FBXW11: variants seen among roughly 807,000 people sequenced by gnomAD.
FBXW11 encodes the protein F-box/WD repeat-containing protein 11.
FBXW11 carries 19 observed loss-of-function variants against 77.6 expected under a neutral mutation model. The ratio of observed to expected loss-of-function variants is 0.24; its 90% confidence interval spans 0.17 to 0.36. The LOEUF (loss-of-function observed/expected upper bound fraction) is 0.36. Ranked by LOEUF, FBXW11 falls within the 10% of genes least tolerant of loss-of-function variation. The pLI, the probability that FBXW11 is intolerant of heterozygous loss-of-function variation, is 1.00. For missense variants in FBXW11, 334 were observed against 704.2 expected, an observed-to-expected ratio of 0.47 and a Z score of 5.95; for synonymous variants, 235 against 249.4, an observed-to-expected ratio of 0.94 and a Z score of 0.54.
At chr5:171,907,570 C>G (rs1760610576) in intron 4 of FBXW11, among the ~76,000 whole-genome samples, 2 of 152,144 alleles carry the variant, frequency 1.3e-5, no homozygotes, top group African/African-American at 4.8e-5. Context: ...TCGTCCTCAG[C>G]TATTAGATTC....
chr5:171,966,979 G>A (rs1245334213), intron 1 of FBXW11, among the ~76,000 whole-genome samples: 2 of 152,130 alleles, frequency 1.3e-5, no homozygotes, highest in African/African-American at 2.4e-5. Context: ...GGTCAAGAAT[G>A]GCAAAACTGC....
At chr5:172,005,377 C>T in intron 1 of FBXW11, among the ~76,000 whole-genome samples, 1 of 152,222 alleles carries the variant, frequency 6.6e-6, no homozygotes, top group Non-Finnish European at 1.5e-5. Context: ...CTTCCTCTTC[C>T]CAGCTCTCCA....
At chr5:171,989,001 A>G (rs1344841282) in intron 1 of FBXW11, among the ~76,000 whole-genome samples, 2 of 151,908 alleles carry the variant, frequency 1.3e-5, no homozygotes, top group Admixed American at 1.3e-4. Context: ...ACATGGCAAA[A>G]CCCTGTCTCT....
intron 7 of FBXW11, among the ~76,000 whole-genome samples, chr5:171,889,527 C>CAA (rs34406226): frequency 1.5e-3 from 165 of 109,216 alleles, no homozygotes; most frequent in African/African-American, 5.2e-3. Flanking sequence ...GACTCCATCT[C>CAA]AAAAAAAAAA....
intron 13 of FBXW11, among the ~76,000 whole-genome samples, chr5:171,864,849 G>A (rs1757285854): frequency 6.6e-6 from 1 of 151,586 alleles, no homozygotes; most frequent in Non-Finnish European, 1.5e-5. Context: ...TACATACAAT[G>A]CAGGCTGACA....
chr5:171,930,365 C>A (rs1762104937), intron 2 of FBXW11, among the ~76,000 whole-genome samples: 1 of 152,198 alleles, frequency 6.6e-6, no homozygotes, highest in Non-Finnish European at 1.5e-5. Context: ...AAATCAGGAA[C>A]AAGGTAAGAA....
chr5:171,987,449 T>TG lies in FBXW11; in HGVS notation c.45+19008_45+19009insC, dbSNP rs1352793058. Among the ~76,000 whole-genome samples, 3 of 152,140 alleles carry TG rather than the reference T, an allele frequency of 2.0e-5. No homozygotes were observed. In the East Asian group the frequency reaches 5.8e-4, roughly 29 times the overall value. ...CAAAGGGTAAGTTTTTTTGGGTTTT[T>TG]TTTGTTTGTTTGTTTTTTTGAGGCG... On this transcript the variant is annotated intron_variant, in intron 1 of 13. Transcript: ENST00000517395.
At chr5:171,975,704 A>G (rs1764791235) in intron 1 of FBXW11, among the ~76,000 whole-genome samples, 1 of 152,226 alleles carries the variant, frequency 6.6e-6, no homozygotes, top group Non-Finnish European at 1.5e-5. Context: ...TAAAAGAAAC[A>G]GGGGGTGTAA....
At chr5:171,945,889 C>A (rs1259571976) in intron 2 of FBXW11, among the ~76,000 whole-genome samples, 3 of 152,186 alleles carry the variant, frequency 2.0e-5, no homozygotes, top group Non-Finnish European at 4.4e-5. Context: ...CAAAGTGTGG[C>A]CTCCTTCCAA....
In FBXW11 at chr5:171,876,219, C is replaced by A. The variant is rs755115797; in HGVS notation, c.1221+66G>T. ...CCAGGTACCAGGTTGGTATAAGCCA[C>A]CTCTGCTTTGTCTCTGTTCTAAAAG... is the stretch of plus-strand genomic sequence containing the variant. On this transcript the variant is annotated intron_variant, in intron 9 of 13. Coordinates refer to ENST00000517395, the MANE Select transcript of FBXW11 (RefSeq NM_001378974.1). The surrounding 1 kb of genome is among the most constrained non-coding windows in gnomAD (Gnocchi z 4.2). 4.4e-6 allele frequency: 7 copies of A among 1,590,966 alleles called. No homozygotes were observed. The highest frequency in any genetic ancestry group is 1.3e-5 in the African/African-American group (1 of 74,734).
intron 7 of FBXW11, among the ~76,000 whole-genome samples, chr5:171,879,598 C>CTCACCA (rs1758366451): frequency 6.6e-6 from 1 of 152,236 alleles, no homozygotes; most frequent in African/African-American, 2.4e-5. Context: ...GCTCCACATT[C>CTCACCA]TCACCAGCAT....
chr5:171,976,261 C>G lies in FBXW11; in HGVS notation c.46-18563G>C, dbSNP rs1232157656. ...CAACTTCTGAAAGAAGTTTCTGATGCCAATTATTTAATTTTCAGGATCAAG... is the reference window on the plus strand; with the variant it reads ...CAACTTCTGAAAGAAGTTTCTGATGGCAATTATTTAATTTTCAGGATCAAG... On this transcript the variant is annotated intron_variant, in intron 1 of 13. Coordinates refer to ENST00000517395, the MANE Select transcript of FBXW11 (RefSeq NM_001378974.1). Among the ~76,000 whole-genome samples, 5 of 152,090 alleles carry G rather than the reference C, an allele frequency of 3.3e-5. No individual in the cohort carries two copies. In the East Asian group the frequency reaches 9.7e-4, roughly 29 times the overall value.
At chr5:171,936,612 C>T (rs1266935461) in intron 2 of FBXW11, among the ~76,000 whole-genome samples, 2 of 151,154 alleles carry the variant, frequency 1.3e-5, no homozygotes, top group Admixed American at 1.3e-4. Context: ...GCAAAGAAAG[C>T]ACATCATGAA....
chr5:171,922,294 C>T (rs762848412), intron 2 of FBXW11, among the ~76,000 whole-genome samples: 9 of 152,084 alleles, frequency 5.9e-5, no homozygotes, highest in Non-Finnish European at 1.0e-4. Context: ...TATATTCCGC[C>T]AATTATTACT....
chr5:171,887,589 G>A (rs566025613), intron 7 of FBXW11, among the ~76,000 whole-genome samples: 38 of 152,148 alleles, frequency 2.5e-4, no homozygotes, highest in African/African-American at 9.2e-4. Flanking sequence ...GATGTGGCAA[G>A]GGGTCAAAAT....
chr5:171,927,614 G>A (rs955288175), intron 2 of FBXW11, among the ~76,000 whole-genome samples: 1 of 152,158 alleles, frequency 6.6e-6, no homozygotes, highest in South Asian at 2.1e-4. Context: ...AGTGAAAATT[G>A]TTTAAAACAT....
intron 2 of FBXW11, chr5:171,916,517 AG>A: frequency 1.1e-6 from 1 of 950,300 alleles, no homozygotes; most frequent in Non-Finnish European, 1.3e-6. Context: ...TGGTGAAAGC[AG>A]TAAGTAATTC....
chr5:171,914,469 T>C, intron 2 of FBXW11, 64 bp from the exon 3 acceptor site: 2 of 1,406,466 alleles, frequency 1.4e-6, no homozygotes, highest in Admixed American at 5.6e-5. Context: ...ATAACTACAA[T>C]AAATAATTTT....
intron 7 of FBXW11, among the ~76,000 whole-genome samples, chr5:171,883,500 A>C (rs1758663561): frequency 6.6e-6 from 1 of 152,230 alleles, no homozygotes; most frequent in African/African-American, 2.4e-5. Flanking sequence ...CACGTTGAGC[A>C]CATGTACCCT....
Sources: allele counts gnomAD v4.1 joint callset (sites outside exome capture counted in the v4.1 genomes callset), GRCh38; gene constraint gnomAD v4.1.1; non-coding constraint Gnocchi (gnomAD v3.1); transcripts MANE v1.5; gene names NCBI Gene and HGNC (gene_info 2026-07-23, HGNC 2026-07-21).